FRY: variants seen among roughly 807,000 people sequenced by gnomAD.
The protein encoded by FRY is FRY microtubule binding protein.
Under a neutral mutation model 348.4 loss-of-function variants are expected in FRY, and 128 were observed. That is an observed-to-expected ratio of 0.37 (90% CI 0.32 to 0.43). The LOEUF (loss-of-function observed/expected upper bound fraction) is 0.43. FRY is among the 20% of genes least tolerant of loss of function. FRY has a pLI of 1.00. For synonymous variants in FRY, 1,370 were observed against 1,374.7 expected, an observed-to-expected ratio of 1.00 and a Z score of 0.08; for missense variants, 2,736 against 3,695.2, an observed-to-expected ratio of 0.74 and a Z score of 6.73.
Position 32,297,650 on chromosome 13 carries a change from C to T in FRY, c.*2190C>T, listed in dbSNP as rs1003011651. The T allele has an allele frequency of 1.3e-5, 2 of 152,202 alleles. No individual in the cohort carries two copies. Among genetic ancestry groups the T allele is most frequent in the African/African-American group, 4.8e-5 (2 of 41,448 alleles). The allele number at this position is 152,202 out of a possible 1,614,324, so 9.4% of individuals were successfully genotyped here. A position where few individuals can be genotyped will look rare whatever the true frequency, so the allele number is the denominator to read the frequency against. Reference sequence around the variant, plus strand: ...CTACTTTTCCTCTATCTCTTCACCTCCTCTACTTTAAGTGGAGATGGGAAA... The same window carrying T: ...CTACTTTTCCTCTATCTCTTCACCTTCTCTACTTTAAGTGGAGATGGGAAA... On this transcript the variant is annotated 3_prime_UTR_variant, in exon 61 of 61. Coordinates refer to ENST00000542859, the MANE Select transcript of FRY (RefSeq NM_023037.3).
At chr13:32,145,576 C>G (rs1336703519) in intron 11 of FRY, among the ~76,000 whole-genome samples, 1 of 127,974 alleles carries the variant, frequency 7.8e-6, no homozygotes, top group Non-Finnish European at 1.6e-5. Flanking sequence ...CTCGCTCTGT[C>G]GCCCAGGCCG....
At position 32,228,635 on chromosome 13, in the gene FRY, A is replaced by G. The variant is rs1179942655; in HGVS notation, c.5386A>G (p.Ile1796Val). The change falls in exon 40 of 61, where the codon ATT (isoleucine) becomes GTT (valine). Residue 1796 changes from isoleucine (I) to valine (V), a missense_variant. Coordinates refer to ENST00000542859, the MANE Select transcript of FRY (RefSeq NM_023037.3). ...AETDEKANKL[I>V]EFLTTRAFGP... The stretch of plus-strand genomic sequence containing the variant: ...AACAGATGAGAAGGCAAACAAGCTC[A>G]TTGAGTTTCTCACGACCAGGTAATA... 3 of 1,611,116 alleles carry G rather than the reference A, an allele frequency of 1.9e-6. No homozygotes were observed. The highest frequency in any genetic ancestry group is 2.5e-6 in the Non-Finnish European group (3 of 1,177,226).
intron 2 of FRY, among the ~76,000 whole-genome samples, chr13:32,082,278 G>A (rs1321063185): frequency 6.7e-6 from 1 of 149,024 alleles, no homozygotes; most frequent in African/African-American, 2.5e-5. Context: ...TTTTAGATTT[G>A]TTTCTTTGTA....
chr13:32,147,415 A>T (rs747343897), intron 12 of FRY, 30 bp downstream of exon 12: 31 of 1,237,690 alleles, frequency 2.5e-5, no homozygotes, highest in Non-Finnish European at 2.4e-6. Context: ...AATGGTAACC[A>T]TATCACTCAG....
chr13:32,089,780 GA>G, intron 2 of FRY, among the ~76,000 whole-genome samples: 1 of 152,050 alleles, frequency 6.6e-6, no homozygotes, highest in African/African-American at 2.4e-5. Flanking sequence ...AAAAAAAGAA[GA>G]AGGAATGTCT....
chr13:32,181,693 A>G (rs892857019), intron 23 of FRY, among the ~76,000 whole-genome samples: 1 of 152,096 alleles, frequency 6.6e-6, no homozygotes, highest in African/African-American at 2.4e-5. Context: ...TAGACCTCTA[A>G]ATACTTCTGG....
chr13:32,106,441 T>C (rs1004882547), intron 3 of FRY, among the ~76,000 whole-genome samples: 2 of 152,162 alleles, frequency 1.3e-5, no homozygotes, highest in African/African-American at 4.8e-5. Context: ...TTATCAGTTA[T>C]GATTAGCTTT....
intron 58 of FRY, among the ~76,000 whole-genome samples, chr13:32,289,057 GAAATTTTCAA>G (rs1184271217): frequency 1.3e-5 from 2 of 152,172 alleles, no homozygotes; most frequent in East Asian, 3.8e-4. Context: ...CCTTTCCACA[GAAATTTTCAA>G]ATGTGTTAAT....
chr13:32,113,398 G>A (rs1878093600), intron 3 of FRY, among the ~76,000 whole-genome samples: 1 of 152,170 alleles, frequency 6.6e-6, no homozygotes, highest in Non-Finnish European at 1.5e-5. Context: ...ATAATGAAAT[G>A]CTTATGAAAA....
chr13:32,289,548 A>C (rs1489135918), intron 58 of FRY, 85 bp from the exon 59 acceptor site: 1 of 802,612 alleles, frequency 1.2e-6, no homozygotes, highest in Non-Finnish European at 2.2e-6. Context: ...TTAAAAAAAA[A>C]GTTTGTCTCC....
rs182187696 is a variant in FRY, at chr13:32,169,614, G to A, written c.1893-1398G>A. ...TCCCTGCTGTGTTGTCTCCCTGAGT[G>A]GCCCAAAGACCCTTCAGTTGAGCTG... On this transcript the variant is annotated intron_variant, in intron 17 of 60. Transcript: ENST00000542859. Among the ~76,000 whole-genome samples, 503 of 152,186 alleles carry A rather than the reference G, an allele frequency of 3.3e-3. 9 individuals are homozygous for A. Among genetic ancestry groups the A allele is most frequent in the Admixed American group, 9.6e-3 (146 of 15,276 alleles).
chr13:32,114,956 A>G (rs148616142), intron 3 of FRY, among the ~76,000 whole-genome samples: 2 of 152,316 alleles, frequency 1.3e-5, no homozygotes, highest in African/African-American at 4.8e-5. Flanking sequence ...CTCTTTAAAT[A>G]ATTAGATTGC....
At chr13:32,168,846 A>G (rs1395549948) in intron 17 of FRY, among the ~76,000 whole-genome samples, 1 of 152,208 alleles carries the variant, frequency 6.6e-6, no homozygotes, top group Non-Finnish European at 1.5e-5. Context: ...ATAAGACAAG[A>G]GTTTGCTTAT....
chr13:32,168,893 A>G (rs1881899262), intron 17 of FRY, among the ~76,000 whole-genome samples: 1 of 152,232 alleles, frequency 6.6e-6, no homozygotes, highest in African/African-American at 2.4e-5. Context: ...GAGAGTGATA[A>G]CTGGGGTGAC....
At chr13:32,290,980 G>A (rs947354981) in intron 59 of FRY, among the ~76,000 whole-genome samples, 13 of 152,104 alleles carry the variant, frequency 8.5e-5, no homozygotes, top group African/African-American at 3.1e-4. Flanking sequence ...GCTAGTCAAT[G>A]GCTGCATACT....
chr13:32,056,823 T>A (rs1408521459), intron 1 of FRY, among the ~76,000 whole-genome samples: 1 of 152,246 alleles, frequency 6.6e-6, no homozygotes, highest in Non-Finnish European at 1.5e-5. Context: ...AACATGTATG[T>A]ATCTCATACA....
intron 23 of FRY, among the ~76,000 whole-genome samples, chr13:32,181,671 G>A (rs902852935): frequency 6.6e-6 from 1 of 150,394 alleles, no homozygotes; most frequent in Non-Finnish European, 1.5e-5. Flanking sequence ...ATCTAAGATT[G>A]TTTTGCATAT....
At chr13:32,099,629 A>G (rs1459716827) in intron 2 of FRY, among the ~76,000 whole-genome samples, 1 of 152,074 alleles carries the variant, frequency 6.6e-6, no homozygotes, top group Non-Finnish European at 1.5e-5. Flanking sequence ...TTTACTTACA[A>G]TAGATACTTC....
intron 43 of FRY, among the ~76,000 whole-genome samples, 175 bp downstream of exon 43, chr13:32,236,347 AAC>A (rs10617897): frequency 0.49 from 73,912 of 151,192 alleles, 19,176 homozygotes; most frequent in Middle Eastern, 0.69. Flanking sequence ...AATACACACA[AAC>A]ACACACACAC....
Sources: gnomAD v4.1 joint callset for allele counts (sites outside exome capture counted in the v4.1 genomes callset) on GRCh38, gnomAD v4.1.1 for gene constraint, MANE v1.5 for transcripts, NCBI Gene and HGNC (gene_info 2026-07-23, HGNC 2026-07-21) for gene names.